STOX2: variants seen among roughly 807,000 people sequenced by gnomAD.
STOX2 encodes storkhead box 2.
Under a neutral mutation model 60.9 loss-of-function variants are expected in STOX2, and 28 were observed. The observed-to-expected ratio is 0.46, with a 90% confidence interval of 0.34 to 0.63. The LOEUF (loss-of-function observed/expected upper bound fraction) is 0.63, where lower values mean the gene tolerates loss of function less well. STOX2 is among the 30% of genes least tolerant of loss of function. The pLI is 0.01. For missense variants in STOX2, 1,024 were observed against 1,187.7 expected, an observed-to-expected ratio of 0.86 and a Z score of 2.03; for synonymous variants, 472 against 463.9, an observed-to-expected ratio of 1.02 and a Z score of -0.22.
intron 2 of STOX2, among the ~76,000 whole-genome samples, chr4:184,003,533 G>A (rs2111230642): frequency 6.6e-6 from 1 of 152,220 alleles, no homozygotes; most frequent in East Asian, 1.9e-4. Context: ...TCATTGGTCA[G>A]CCTCAGAAGT....
At chr4:183,976,713 T>G (rs887685342) in intron 1 of STOX2, among the ~76,000 whole-genome samples, 4 of 152,062 alleles carry the variant, frequency 2.6e-5, no homozygotes, top group Non-Finnish European at 4.4e-5. Flanking sequence ...AAAATAAAAG[T>G]TGAAGAAAAA....
chr4:183,894,156 A>C (rs1005592808), intron 1 of STOX2, among the ~76,000 whole-genome samples: 2 of 152,210 alleles, frequency 1.3e-5, no homozygotes, highest in African/African-American at 2.4e-5. Flanking sequence ...GTCTCCAAAA[A>C]ATAAAAAAAA....
At chr4:183,858,099 G>A (rs1740344908) in intron 1 of STOX2, among the ~76,000 whole-genome samples, 1 of 152,122 alleles carries the variant, frequency 6.6e-6, no homozygotes. Context: ...CAACCCCTGG[G>A]GAAGTGCAGG....
chr4:183,877,316 G>A (rs548959539), intron 1 of STOX2, among the ~76,000 whole-genome samples: 15 of 152,244 alleles, frequency 9.9e-5, no homozygotes, highest in African/African-American at 3.4e-4. Flanking sequence ...TCTCGGGTCC[G>A]CACACAGACC....
chr4:183,854,707 T>C (rs1428607649), intron 1 of STOX2, among the ~76,000 whole-genome samples: 1 of 152,214 alleles, frequency 6.6e-6, no homozygotes, highest in Non-Finnish European at 1.5e-5. Flanking sequence ...TTCTCATAAA[T>C]GATTTTGATA....
chr4:183,946,637 T>TGTTTGTTTGTTTG (rs781183161), intron 1 of STOX2, among the ~76,000 whole-genome samples: 10,564 of 151,526 alleles, frequency 0.07, 1,120 homozygotes, highest in African/African-American at 0.23. Context: ...GTTTTTTTTT[T>TGTTTGTTTGTTTG]TTTTTTGTGA....
In STOX2 at chr4:183,865,654, AGAG is replaced by A. The variant is rs1740546515; in HGVS notation, c.364+67604_364+67606del. 6.6e-6 allele frequency among the ~76,000 whole-genome samples: 1 copy of A among 152,194 alleles called. No homozygotes were observed. The highest frequency in any genetic ancestry group is 2.4e-5 in the African/African-American group (1 of 41,456). The stretch of plus-strand genomic sequence containing the variant: ...GGATGTAAAGAAAAAAATTCACTGA[AGAG>A]GAGGTAGTGATTTATGCTAAAAGAA... On this transcript the variant is annotated intron_variant, in intron 1 of 2. Transcript: ENST00000513034. This position sits in a 1 kb window ranked among gnomAD's most constrained non-coding sequence, Gnocchi z 4.1.
chr4:183,866,494 GCATTTTGC>G (rs1740570952), intron 1 of STOX2, among the ~76,000 whole-genome samples: 1 of 152,098 alleles, frequency 6.6e-6, no homozygotes, highest in Non-Finnish European at 1.5e-5. Flanking sequence ...TTTTAATCAG[GCATTTTGC>G]CTGATTTATG....
At position 183,947,810 on chromosome 4, in the gene STOX2, T is replaced by C. The variant is rs141873639; in HGVS notation, c.166+40854T>C. Among the ~76,000 whole-genome samples, 363 of 152,318 alleles carry C rather than the reference T, an allele frequency of 2.4e-3. 3 individuals are homozygous for C. Among genetic ancestry groups the C allele is most frequent in the African/African-American group, 8.3e-3 (345 of 41,566 alleles). On this transcript the variant is annotated intron_variant, in intron 1 of 3. Coordinates refer to ENST00000308497, the MANE Select transcript of STOX2 (RefSeq NM_020225.3). ...TCCTCTGTGTCTCAATACAATTTTG[T>C]ACATACTAATATTACTGCAGTTAGC...
chr4:183,932,377 CA>C lies in STOX2; in HGVS notation c.166+25422del, dbSNP rs141280789. Among the ~76,000 whole-genome samples the C allele has an allele frequency of 2.1e-3, 38 of 18,038 alleles. 5 individuals carry two copies. Among genetic ancestry groups the C allele is most frequent in the Admixed American group, 4.8e-3 (10 of 2,100 alleles). 11.8% of individuals were successfully genotyped at this position (18,038 alleles called of 152,430 possible). On this transcript the variant is annotated intron_variant, in intron 1 of 3. Transcript: ENST00000308497. The stretch of plus-strand genomic sequence containing the variant: ...CATACAGTATATGTATGTATACATA[CA>C]GTATATGTATGTATACATACAGTAT...
intron 1 of STOX2, among the ~76,000 whole-genome samples, chr4:183,839,070 CAG>C (rs1553967113): frequency 4.1e-4 from 63 of 151,962 alleles, no homozygotes; most frequent in African/African-American, 1.4e-3. Flanking sequence ...CACACACACA[CAG>C]AGAGCAGGCC....
chr4:183,881,200 C>T (rs749353489), intron 1 of STOX2, among the ~76,000 whole-genome samples: 2 of 151,996 alleles, frequency 1.3e-5, no homozygotes, highest in Non-Finnish European at 2.9e-5. Context: ...TAGTCCCAGT[C>T]GTGGAGAACA....
intron 1 of STOX2, among the ~76,000 whole-genome samples, chr4:183,894,858 C>T (rs1051128353): frequency 2.0e-5 from 3 of 152,168 alleles, no homozygotes; most frequent in Non-Finnish European, 4.4e-5. Flanking sequence ...TCTGTATAAA[C>T]GAGCTGCGGG....
chr4:183,843,974 G>A lies in STOX2; in HGVS notation c.364+45919G>A, dbSNP rs139442742. ...GTGTAAAATTCTGAAAATAAATTAT[G>A]TTTACTTTTCTTTAATGTTACTTAT... is the stretch of plus-strand genomic sequence containing the variant. On this transcript the variant is annotated intron_variant, in intron 1 of 2. Coordinates refer to the STOX2 transcript ENST00000513034. Among the ~76,000 whole-genome samples, 167 of 152,170 alleles carry A rather than the reference G, an allele frequency of 1.1e-3. 3 individuals are homozygous for A. In the South Asian group the frequency reaches 0.022, roughly 20 times the overall value.
At chr4:183,944,154 G>A (rs4862273) in intron 1 of STOX2, among the ~76,000 whole-genome samples, 141,646 of 152,296 alleles carry the variant, frequency 0.93, 66,393 homozygotes, top group East Asian at 1. Context: ...AGCTGACAAT[G>A]TAAGTCAGGG....
At chr4:184,015,697 A>G (rs1203596007) in intron 3 of STOX2, 1 of 152,214 alleles carries the variant, frequency 6.6e-6, no homozygotes, top group Admixed American at 6.5e-5. Context: ...AGAGGAGAGG[A>G]TGTCTTCGCT....
At position 184,017,400 on chromosome 4, in the gene STOX2, T is replaced by C; in HGVS notation, c.*116T>C. 1.8e-6 allele frequency: 2 copies of C among 1,102,872 alleles called. No homozygotes were observed. Among genetic ancestry groups the C allele is most frequent in the Non-Finnish European group, 2.5e-6 (2 of 788,358 alleles). The allele number at this position is 1,102,872 out of a possible 1,614,324, so 68.3% of individuals were successfully genotyped here. The stretch of plus-strand genomic sequence containing the variant: ...TCTCAACCACAGTTTTTGTGTTTAC[T>C]TAAACTGTGCTGCTAAGTAGGGCTA... On this transcript the variant is annotated 3_prime_UTR_variant, in exon 4 of 4. Transcript: ENST00000308497.
intron 1 of STOX2, among the ~76,000 whole-genome samples, chr4:183,895,045 G>A (rs1192964316): frequency 6.6e-5 from 10 of 152,232 alleles, no homozygotes; most frequent in East Asian, 1.9e-4. Flanking sequence ...GTAACTGCTC[G>A]CACCAGGCAT....
chr4:183,849,354 C>T (rs1740058820), intron 1 of STOX2, among the ~76,000 whole-genome samples: 1 of 152,294 alleles, frequency 6.6e-6, no homozygotes, highest in Admixed American at 6.5e-5. Flanking sequence ...CCTCATGCCT[C>T]AGTATGGGCT....
Sources: allele counts gnomAD v4.1 joint callset (sites outside exome capture counted in the v4.1 genomes callset), GRCh38; gene constraint gnomAD v4.1.1; non-coding constraint Gnocchi (gnomAD v3.1); transcripts MANE v1.5; gene names NCBI Gene and HGNC (gene_info 2026-07-23, HGNC 2026-07-21).